CCS: variants seen among roughly 807,000 people sequenced by gnomAD.
CCS encodes the protein superoxide dismutase copper chaperone.
CCS carries 32 observed loss-of-function variants against 35.5 expected under a neutral mutation model. The observed-to-expected ratio is 0.90, with a 90% confidence interval of 0.68 to 1.21. CCS has a LOEUF of 1.21. Ranked by LOEUF, CCS falls within the 50% of genes most tolerant of loss-of-function variation. CCS has a pLI of 0.00. For missense variants in CCS, 342 were observed against 375.4 expected (o/e 0.91, Z 0.73); for synonymous variants, 130 against 147.2 (o/e 0.88, Z 0.84).
intron 2 of CCS, among the ~76,000 whole-genome samples, chr11:66,598,162 C>T (rs1033812916): frequency 6.6e-6 from 1 of 151,672 alleles, no homozygotes; most frequent in African/African-American, 2.4e-5. Flanking sequence ...AGTTGTACAA[C>T]CATCTCTCCA....
intron 2 of CCS, among the ~76,000 whole-genome samples, chr11:66,598,567 T>C (rs1858520563): frequency 6.7e-6 from 1 of 149,000 alleles, no homozygotes; most frequent in Admixed American, 6.8e-5. Context: ...TATTTTCTGT[T>C]TGTGGATTTG....
chr11:66,599,599 G>T lies in CCS; in HGVS notation c.391G>T (p.Val131Phe), dbSNP rs368191906. ...GLEPGLHGLH[V>F]HQYGDLTNNC... ...GGAGCCTGGGCTGCATGGACTCCAC[G>T]TCCATCAGTACGGGGACCTTACAAA... The change falls in exon 4 of 8, where the codon GTC (valine) becomes TTC (phenylalanine). Residue 131 changes from valine to phenylalanine, a missense_variant. Physicochemically the swap from Val to Phe is conservative, Grantham distance 50. Coordinates refer to ENST00000533244, the MANE Select transcript of CCS (RefSeq NM_005125.2). 9 of 1,608,344 alleles carry T rather than the reference G, an allele frequency of 5.6e-6. No homozygotes were observed. Among genetic ancestry groups the T allele is most frequent in the Non-Finnish European group, 7.6e-6 (9 of 1,178,194 alleles).
chr11:66,596,702 C>A (rs1050929633), intron 2 of CCS, among the ~76,000 whole-genome samples: 1 of 152,066 alleles, frequency 6.6e-6, no homozygotes, highest in Non-Finnish European at 1.5e-5. Flanking sequence ...TTGAACTTGA[C>A]CCTTGTGGAC....
At chr11:66,593,336 C>G in intron 1 of CCS, 36 bp downstream of exon 1, 1 of 1,488,756 alleles carries the variant, frequency 6.7e-7, no homozygotes, top group Non-Finnish European at 9.0e-7. Context: ...CCTCGCCGGG[C>G]AGAGAGCCTC....
At chr11:66,594,582 C>T (rs1858440986) in intron 2 of CCS, among the ~76,000 whole-genome samples, 1 of 151,860 alleles carries the variant, frequency 6.6e-6, no homozygotes, top group African/African-American at 2.4e-5. Context: ...TTGAGAGCAG[C>T]CTGAGCAACA....
At chr11:66,595,199 A>T (rs1402186170) in intron 2 of CCS, among the ~76,000 whole-genome samples, 1 of 152,200 alleles carries the variant, frequency 6.6e-6, no homozygotes, top group African/African-American at 2.4e-5. Context: ...AAAAGCATTT[A>T]GAAAAGTCTT....
intron 2 of CCS, 79 bp downstream of exon 2, chr11:66,593,793 ACTC>A (rs2134976855): frequency 1.5e-6 from 2 of 1,310,780 alleles, no homozygotes; most frequent in Non-Finnish European, 2.2e-6. Flanking sequence ...GGCGAACCCT[ACTC>A]CCATTTTACA....
intron 2 of CCS, among the ~76,000 whole-genome samples, chr11:66,597,140 CT>C (rs1251242470): frequency 6.6e-6 from 1 of 152,142 alleles, no homozygotes; most frequent in Non-Finnish European, 1.5e-5. Context: ...TAGTCCCTGC[CT>C]TTTATGTGTG....
At chr11:66,597,041 T>G (rs926901946) in intron 2 of CCS, among the ~76,000 whole-genome samples, 3 of 152,202 alleles carry the variant, frequency 2.0e-5, no homozygotes, top group Admixed American at 6.5e-5. Context: ...AGAGGCTTAG[T>G]AGGAGTACCA....
chr11:66,603,128 C>T (rs546666109), intron 5 of CCS, among the ~76,000 whole-genome samples: 230 of 152,326 alleles, frequency 1.5e-3, no homozygotes, highest in African/African-American at 5.0e-3. Flanking sequence ...ACAAGCTGGG[C>T]CTAGCTTCTT....
At chr11:66,597,807 G>A (rs1056521531) in intron 2 of CCS, among the ~76,000 whole-genome samples, 1 of 151,452 alleles carries the variant, frequency 6.6e-6, no homozygotes, top group Admixed American at 6.6e-5. Context: ...AGTGGCTCAC[G>A]CCTGTAATTC....
Position 66,593,218 on chromosome 11 carries a change from G to C in CCS, c.-44G>C, listed in dbSNP as rs148810781. 1 of 1,551,228 alleles carries C rather than the reference G, an allele frequency of 6.4e-7. No individual in the cohort carries two copies. The highest frequency in any genetic ancestry group is 2.0e-5 in the Admixed American group (1 of 50,510). The stretch of plus-strand genomic sequence containing the variant: ...CGACGCCGCGCTGGTTGGTGCTCCT[G>C]CGCCGGAGGAGTTCTGCGTCTCGGG... On this transcript the variant is annotated 5_prime_UTR_variant, in exon 1 of 8. Transcript: ENST00000533244.
At chr11:66,593,531 A>C in intron 1 of CCS, 111 bp from the exon 2 acceptor site, 1 of 1,151,744 alleles carries the variant, frequency 8.7e-7, no homozygotes, top group South Asian at 1.3e-5. Flanking sequence ...AAGAGGGGTT[A>C]AGTGGGGCTT....
Position 66,606,011 on chromosome 11 carries a change from C to A in CCS, c.*156C>A. The A allele has an allele frequency of 2.7e-6, 2 of 746,280 alleles. No individual in the cohort carries two copies. Among genetic ancestry groups the A allele is most frequent in the Non-Finnish European group, 3.9e-6 (2 of 514,458 alleles). 46.2% of individuals were successfully genotyped at this position (746,280 alleles called of 1,614,324 possible). On this transcript the variant is annotated 3_prime_UTR_variant, in exon 8 of 8. Transcript: ENST00000533244. ...CCTTGGCAAATGAAAGTTTTATTTTCGTTTGGGACTTGGTGTTTTGTGCTT... is the reference window on the plus strand; with the variant it reads ...CCTTGGCAAATGAAAGTTTTATTTTAGTTTGGGACTTGGTGTTTTGTGCTT...
chr11:66,601,839 T>C (rs1208198250), intron 5 of CCS, among the ~76,000 whole-genome samples: 1 of 152,152 alleles, frequency 6.6e-6, no homozygotes, highest in Non-Finnish European at 1.5e-5. Flanking sequence ...CTCCCAGTGT[T>C]AGGATTATGA....
At chr11:66,602,881 T>G (rs2134984591) in intron 5 of CCS, among the ~76,000 whole-genome samples, 1 of 152,338 alleles carries the variant, frequency 6.6e-6, no homozygotes, top group East Asian at 1.9e-4. Context: ...CAAGTTGCTG[T>G]TGGGTTTTAG....
At chr11:66,599,319 T>C in intron 3 of CCS, 66 bp downstream of exon 3, 1 of 1,517,456 alleles carries the variant, frequency 6.6e-7, no homozygotes, top group Non-Finnish European at 8.8e-7. Context: ...ACAAATCTAA[T>C]CATAGGATTC....
chr11:66,603,698 T>C (rs564552548), intron 5 of CCS, among the ~76,000 whole-genome samples: 22 of 152,214 alleles, frequency 1.4e-4, no homozygotes, highest in Admixed American at 1.3e-3. Context: ...TACAAAAAAT[T>C]AGCCAGGCGT....
chr11:66,600,935 T>C (rs543955743), intron 5 of CCS, among the ~76,000 whole-genome samples: 1 of 152,314 alleles, frequency 6.6e-6, no homozygotes, highest in Admixed American at 6.5e-5. Flanking sequence ...TTACCTAAAC[T>C]GAAAAGGCTG....
Sources: allele counts gnomAD v4.1 joint callset (sites outside exome capture counted in the v4.1 genomes callset), GRCh38; gene constraint gnomAD v4.1.1; transcripts MANE v1.5; gene names NCBI Gene and HGNC (gene_info 2026-07-23, HGNC 2026-07-21).